CREBBP: variants seen among roughly 807,000 people sequenced by gnomAD.
The protein encoded by CREBBP is CREB binding lysine acetyltransferase.
Under a neutral mutation model 265.0 loss-of-function variants are expected in CREBBP, and 19 were observed. That is an observed-to-expected ratio of 0.07 (90% CI 0.05 to 0.11). CREBBP has a LOEUF of 0.11. Among genes scored for constraint, CREBBP ranks in the 10% least tolerant of loss-of-function variants. The probability of loss-of-function intolerance (pLI) is 1.00; values close to 1 mark genes in which losing one functional copy is unlikely to be tolerated. For synonymous variants in CREBBP, 1,457 were observed against 1,223.7 expected, an observed-to-expected ratio of 1.19 and a Z score of -3.98; for missense variants, 2,525 against 3,219.0, an observed-to-expected ratio of 0.78 and a Z score of 5.22.
At chr16:3,816,993 C>A (rs1596996537) in intron 2 of CREBBP, among the ~76,000 whole-genome samples, 1 of 152,184 alleles carries the variant, frequency 6.6e-6, no homozygotes, top group African/African-American at 2.4e-5. Flanking sequence ...AGGAACAGTG[C>A]CCTTTCTATC....
In CREBBP at chr16:3,770,882, T is replaced by G. The variant is rs750967654; in HGVS notation, c.2568A>C (p.Thr856=). 6.2e-7 allele frequency: 1 copy of G among 1,613,426 alleles called. No individual in the cohort carries two copies. The highest frequency in any genetic ancestry group is 8.5e-7 in the Non-Finnish European group (1 of 1,179,928). Residue 856 remains threonine (T), a synonymous_variant, in exon 14 of 31, where the codon ACA becomes ACC. Transcript: ENST00000262367. The part of the protein sequence containing the change: ...PPVTQSPLHP[T]PPPASTAAGM... ...CAGCAGCCGTGGAAGCAGGAGGCGG[T>G]GTTGGGTGCAGTGGTGACTGTGTCA...
intron 24 of CREBBP, among the ~76,000 whole-genome samples, chr16:3,740,177 A>T (rs1053805487): frequency 2.0e-5 from 3 of 152,240 alleles, no homozygotes; most frequent in Non-Finnish European, 4.4e-5. Flanking sequence ...ACAGTATACT[A>T]TAATATGGTA....
rs139259990 is a variant in CREBBP, at chr16:3,845,060, A to G, written c.798+5237T>C. ...GTGAATCTTATAAATCCAAAATCCC[A>G]AAGATTTTTTGTTTTTAAAATTTGA... On this transcript the variant is annotated intron_variant, in intron 2 of 30. Coordinates refer to ENST00000262367, the MANE Select transcript of CREBBP (RefSeq NM_004380.3). Among the ~76,000 whole-genome samples, 1,048 of 152,298 alleles carry G rather than the reference A, an allele frequency of 6.9e-3. 13 individuals are homozygous for G. Among genetic ancestry groups the G allele is most frequent in the Middle Eastern group, 0.017 (5 of 294 alleles).
chr16:3,841,404 AAG>A, intron 2 of CREBBP, among the ~76,000 whole-genome samples: 1 of 152,120 alleles, frequency 6.6e-6, no homozygotes, highest in Non-Finnish European at 1.5e-5. Context: ...GGGTTGCAAT[AAG>A]AGGAAACTTT....
At chr16:3,814,296 C>G (rs1361106985) in intron 2 of CREBBP, among the ~76,000 whole-genome samples, 1 of 146,818 alleles carries the variant, frequency 6.8e-6, no homozygotes, top group African/African-American at 2.5e-5. Context: ...GTTCTGTTGC[C>G]TAGGCTGGAA....
chr16:3,772,679 T>G (rs2053041119), intron 13 of CREBBP, among the ~76,000 whole-genome samples: 1 of 152,116 alleles, frequency 6.6e-6, no homozygotes, highest in Admixed American at 6.5e-5. Context: ...TAATCCTTGT[T>G]CTAGAGAAAT....
intron 2 of CREBBP, among the ~76,000 whole-genome samples, chr16:3,847,156 T>C: frequency 6.6e-6 from 1 of 152,188 alleles, no homozygotes; most frequent in East Asian, 1.9e-4. Flanking sequence ...AAAAAATCTC[T>C]GTGCAGTGTC....
intron 1 of CREBBP, among the ~76,000 whole-genome samples, chr16:3,862,409 C>T (rs1023635373): frequency 6.6e-6 from 1 of 152,072 alleles, no homozygotes; most frequent in African/African-American, 2.4e-5. Flanking sequence ...GGTAGGCAGG[C>T]TTGCTCTGTC....
chr16:3,869,692 CAT>C (rs2055253662), intron 1 of CREBBP, among the ~76,000 whole-genome samples: 1 of 152,180 alleles, frequency 6.6e-6, no homozygotes, highest in Admixed American at 6.5e-5. Context: ...AGTACTGTGT[CAT>C]ATAGACACAG....
At chr16:3,797,690 A>T (rs2053635020) in intron 3 of CREBBP, among the ~76,000 whole-genome samples, 1 of 152,132 alleles carries the variant, frequency 6.6e-6, no homozygotes, top group Admixed American at 6.5e-5. Flanking sequence ...GAAACCCCAG[A>T]TAAGAGAGGA....
intron 22 of CREBBP, 51 bp from the exon 23 acceptor site, chr16:3,745,012 C>T: frequency 2.2e-6 from 3 of 1,335,488 alleles, no homozygotes; most frequent in Non-Finnish European, 3.2e-6. Flanking sequence ...TGTAAATTGT[C>T]AAACCAACAA....
chr16:3,757,660 T>C (rs1269157834), intron 18 of CREBBP, 149 bp downstream of exon 18: 10 of 1,203,654 alleles, frequency 8.3e-6, no homozygotes, highest in Non-Finnish European at 1.2e-5. Flanking sequence ...TGATCACCCA[T>C]CACATCGCTT....
In CREBBP at chr16:3,739,583, G is replaced by A; in HGVS notation, c.4275C>T (p.Asn1425=). Residue 1425 remains asparagine, a synonymous_variant, in exon 25 of 31, where the codon AAC becomes AAT. Transcript: ENST00000262367. ...QEYGSDCPPP[N]TRRVYISYLD... The stretch of plus-strand genomic sequence containing the variant: ...GGAAGGAGCTGGAAAACTACCTCGT[G>A]TTTGGAGGGGGGCAATCAGAGCCGT... The A allele has an allele frequency of 6.2e-7, 1 of 1,614,172 alleles. No homozygotes were observed. Among genetic ancestry groups the A allele is most frequent in the Non-Finnish European group, 8.5e-7 (1 of 1,180,048 alleles).
At chr16:3,787,296 G>A (rs1348407469) in intron 5 of CREBBP, among the ~76,000 whole-genome samples, 1 of 152,156 alleles carries the variant, frequency 6.6e-6, no homozygotes, top group Non-Finnish European at 1.5e-5. Context: ...AAGCCCTCAA[G>A]CAAAAGGCTT....
intron 2 of CREBBP, among the ~76,000 whole-genome samples, chr16:3,833,322 G>A (rs141399654): frequency 6.6e-6 from 1 of 152,230 alleles, no homozygotes; most frequent in Admixed American, 6.5e-5. Context: ...TGAGGCACGA[G>A]AATCGCTTGA....
intron 8 of CREBBP, 81 bp from the exon 9 acceptor site, chr16:3,778,898 G>C: frequency 8.3e-7 from 1 of 1,202,506 alleles, no homozygotes; most frequent in African/African-American, 1.5e-5. Flanking sequence ...CAGGCGCGGT[G>C]GCTCACGCTT....
At chr16:3,791,443 A>C (rs1288559907) in intron 5 of CREBBP, among the ~76,000 whole-genome samples, 1 of 152,132 alleles carries the variant, frequency 6.6e-6, no homozygotes, top group Admixed American at 6.5e-5. Context: ...TAGTTATACA[A>C]AGAGTTCTGG....
chr16:3,877,473 GC>G (rs760100230), intron 1 of CREBBP, among the ~76,000 whole-genome samples: 6 of 152,170 alleles, frequency 3.9e-5, no homozygotes, highest in Admixed American at 2.0e-4. Context: ...CGCGATCTTG[GC>G]TCACTGCAAC....
intron 2 of CREBBP, among the ~76,000 whole-genome samples, chr16:3,825,985 C>A (rs1439179985): frequency 6.6e-6 from 1 of 152,180 alleles, no homozygotes; most frequent in Non-Finnish European, 1.5e-5. Context: ...ACTTTGGGAG[C>A]CTGAGGCAGG....
Sources: allele counts gnomAD v4.1 joint callset (sites outside exome capture counted in the v4.1 genomes callset), GRCh38; gene constraint gnomAD v4.1.1; transcripts MANE v1.5; gene names NCBI Gene and HGNC (gene_info 2026-07-23, HGNC 2026-07-21).